The following MYO5B variants were observed in gnomAD, a reference collection of about 807,000 sequenced individuals.
The protein encoded by MYO5B is unconventional myosin-Vb.
MYO5B carries 143 observed loss-of-function variants against 229.3 expected under a neutral mutation model. The ratio of observed to expected loss-of-function variants is 0.62; its 90% CI spans 0.54 to 0.72. The LOEUF (loss-of-function observed/expected upper bound fraction) is 0.72, where lower values mean the gene tolerates loss of function less well. Among genes scored for constraint, MYO5B ranks in the 30% least tolerant of loss-of-function variants. The probability of loss-of-function intolerance (pLI) is 0.00; values close to 1 mark genes in which losing one functional copy is unlikely to be tolerated. For synonymous variants in MYO5B, 918 were observed against 885.2 expected (o/e 1.04, Z -0.66); for missense variants, 2,321 against 2,331.0 (o/e 1.00, Z 0.09).
chr18:49,999,340 T>A (rs2026021831), intron 5 of MYO5B, among the ~76,000 whole-genome samples: 1 of 152,196 alleles, frequency 6.6e-6, no homozygotes. Flanking sequence ...AATATAGGCA[T>A]AGTACATGGT....
At chr18:49,947,101 C>CTTTTTTTTTTTTTTTTTTTT (rs74176748) in intron 14 of MYO5B, among the ~76,000 whole-genome samples, 1 of 108,292 alleles carries the variant, frequency 9.2e-6, no homozygotes, top group Non-Finnish European at 1.8e-5. Context: ...TCACCAAGCT[C>CTTTTTTTTTTTTTTTTTTTT]TTTTTTTTTT....
At chr18:50,044,619 G>A (rs939373461) in intron 2 of MYO5B, among the ~76,000 whole-genome samples, 2 of 152,072 alleles carry the variant, frequency 1.3e-5, no homozygotes, top group Non-Finnish European at 2.9e-5. Flanking sequence ...GTAGGAACTG[G>A]TCTATACCTG....
chr18:50,120,870 C>T (rs1006864202), intron 1 of MYO5B, among the ~76,000 whole-genome samples: 4 of 152,184 alleles, frequency 2.6e-5, no homozygotes, highest in African/African-American at 9.7e-5. Context: ...ATGGTGAAAG[C>T]TGACCTGCAC....
chr18:49,837,132 A>G (rs138890665), intron 37 of MYO5B, among the ~76,000 whole-genome samples: 7 of 152,380 alleles, frequency 4.6e-5, no homozygotes, highest in African/African-American at 1.4e-4. Context: ...GTTAACAGGG[A>G]AAAACAGGCA....
intron 12 of MYO5B, among the ~76,000 whole-genome samples, chr18:49,961,353 A>G (rs1344541133): frequency 4.6e-5 from 7 of 152,186 alleles, no homozygotes; most frequent in African/African-American, 1.7e-4. Context: ...TTAAAAAAAA[A>G]TATGCAAGCT....
chr18:50,103,393 C>A (rs2031692159), intron 1 of MYO5B, among the ~76,000 whole-genome samples: 1 of 152,186 alleles, frequency 6.6e-6, no homozygotes, highest in Non-Finnish European at 1.5e-5. Context: ...TGTGCTTGTT[C>A]AAAATCCCTA....
At chr18:49,902,364 T>C (rs1290987221) in intron 21 of MYO5B, among the ~76,000 whole-genome samples, 1 of 152,238 alleles carries the variant, frequency 6.6e-6, no homozygotes, top group Non-Finnish European at 1.5e-5. Context: ...TAATTGCATC[T>C]GCAAAGTCCC....
chr18:50,018,885 A>G (rs1435008109), intron 4 of MYO5B, among the ~76,000 whole-genome samples: 1 of 152,242 alleles, frequency 6.6e-6, no homozygotes, highest in African/African-American at 2.4e-5. Context: ...GAGGGGAAGA[A>G]AAAAGAAAAG....
chr18:50,058,241 A>G (rs73446614), intron 1 of MYO5B, among the ~76,000 whole-genome samples: 6,610 of 151,890 alleles, frequency 0.044, 162 homozygotes, highest in African/African-American at 0.058. Flanking sequence ...CGAGGCAGGT[A>G]GATCATTTGA....
chr18:50,088,700 T>C (rs75401243), intron 1 of MYO5B, among the ~76,000 whole-genome samples: 1,552 of 152,372 alleles, frequency 0.01, 21 homozygotes, highest in African/African-American at 0.035. Context: ...TTAAAATGTA[T>C]GCATTCACAC....
At chr18:50,110,792 T>C (rs188882759) in intron 1 of MYO5B, among the ~76,000 whole-genome samples, 1 of 151,982 alleles carries the variant, frequency 6.6e-6, no homozygotes, top group Admixed American at 6.5e-5. Flanking sequence ...ACCTAGAAGA[T>C]CTAGACAAGG....
At chr18:49,891,724 ACT>A (rs1274681401) in intron 22 of MYO5B, among the ~76,000 whole-genome samples, 2 of 151,918 alleles carry the variant, frequency 1.3e-5, no homozygotes, top group African/African-American at 2.4e-5. Flanking sequence ...GGCTCAACAC[ACT>A]CTGCTATGAG....
At chr18:49,899,230 C>T (rs2024814267) in intron 21 of MYO5B, among the ~76,000 whole-genome samples, 1 of 152,072 alleles carries the variant, frequency 6.6e-6, no homozygotes, top group Non-Finnish European at 1.5e-5. Context: ...GGACCACTGC[C>T]TAAGTTGTCT....
chr18:50,142,379 T>C (rs1036741320), intron 1 of MYO5B, among the ~76,000 whole-genome samples: 8 of 152,196 alleles, frequency 5.3e-5, no homozygotes, highest in Admixed American at 2.0e-4. Context: ...CAAGTTAAAC[T>C]GTAAGGAAGT....
At position 49,974,366 on chromosome 18, in the gene MYO5B, C is replaced by T; in HGVS notation, c.1306G>A (p.Val436Ile). The change falls in exon 10 of 40, where the codon GTC becomes ATC. Residue 436 changes from valine (V) to isoleucine (I), a missense_variant. Val to Ile is a conservative substitution (Grantham distance 29). Coordinates refer to ENST00000285039, the MANE Select transcript of MYO5B (RefSeq NM_001080467.3). ...TSLKQHSFIGVLDIYGFETFE... is the reference protein window; with the variant it reads ...TSLKQHSFIGILDIYGFETFE... Reference sequence around the variant, plus strand: ...CAGGCCTACCCATAGATGTCCAGGACCCCGATGAAGGAGTGCTGCTTGAGG... The same window carrying T: ...CAGGCCTACCCATAGATGTCCAGGATCCCGATGAAGGAGTGCTGCTTGAGG... 1.2e-6 allele frequency: 2 copies of T among 1,614,200 alleles called. No homozygotes were observed. The highest frequency in any genetic ancestry group is 1.1e-5 in the South Asian group (1 of 91,084).
At chr18:50,153,221 T>C (rs1219783490) in intron 1 of MYO5B, among the ~76,000 whole-genome samples, 1 of 152,168 alleles carries the variant, frequency 6.6e-6, no homozygotes, top group Non-Finnish European at 1.5e-5. Context: ...ATTTGGGTCA[T>C]GTTCAATGTT....
chr18:49,969,883 G>A (rs1194027199), intron 10 of MYO5B: 1 of 152,224 alleles, frequency 6.6e-6, no homozygotes, highest in Non-Finnish European at 1.5e-5. Context: ...CAGAACACAT[G>A]AATCTGTTAC....
At chr18:50,013,238 C>T (rs1051519750) in intron 4 of MYO5B, among the ~76,000 whole-genome samples, 1 of 152,198 alleles carries the variant, frequency 6.6e-6, no homozygotes, top group Non-Finnish European at 1.5e-5. Flanking sequence ...AGAAACATCT[C>T]TAACAAAACT....
Position 49,837,681 on chromosome 18 carries a change from G to C in MYO5B, c.4974C>G (p.Ile1658Met). ...GDNSYCLEAIIRQMNAFHTVM... is the reference protein window; with the variant it reads ...GDNSYCLEAIMRQMNAFHTVM... ...CTGTATGAAAGGCATTCATCTGGCG[G>C]ATGATAGCTTCCAGGCAGTATGAGT... The change falls in exon 37 of 40, where the codon ATC (isoleucine) becomes ATG (methionine). Residue 1658 changes from isoleucine (I) to methionine (M), a missense_variant. By Grantham distance (10) the Ile-to-Met change is conservative. Around this residue, in one of 2 missense-constraint regions of MYO5B, gnomAD observed 208 missense variants for 286.3 expected, o/e 0.73. Transcript: ENST00000285039. The C allele has an allele frequency of 1.9e-6, 3 of 1,614,176 alleles. No homozygotes were observed. Among genetic ancestry groups the C allele is most frequent in the Non-Finnish European group, 2.5e-6 (3 of 1,179,992 alleles).
Sources: gnomAD v4.1 joint callset for allele counts (sites outside exome capture counted in the v4.1 genomes callset) on GRCh38, gnomAD v4.1.1 for gene constraint, gnomAD v4.1.1 regional missense constraint, MANE v1.5 for transcripts, NCBI Gene and HGNC (gene_info 2026-07-23, HGNC 2026-07-21) for gene names.